Variants in PTGDS observed in about 807,000 individuals in gnomAD.
PTGDS encodes prostaglandin-H2 D-isomerase.
A neutral mutation model predicts 28.4 loss-of-function variants in PTGDS; 21 were observed. That is an observed-to-expected ratio of 0.74 (90% confidence interval 0.52 to 1.07). The LOEUF (loss-of-function observed/expected upper bound fraction) is 1.07. Ranked by LOEUF, PTGDS falls within the 50% of genes least tolerant of loss-of-function variation. The pLI is 0.00. For synonymous variants in PTGDS, 102 were observed against 106.0 expected, an observed-to-expected ratio of 0.96 and a Z score of 0.23; for missense variants, 243 against 247.7, an observed-to-expected ratio of 0.98 and a Z score of 0.13.
rs35868383 is a variant in PTGDS at position 136,977,923 on chromosome 9, C to G, written c.114+231C>G. ...GTCCCGTCTCCCCTGATGGGCCACG[C>G]AGACACCGGGCCACACACGCGCCCA... On this transcript the variant is annotated intron_variant, in intron 1 of 6. Coordinates refer to ENST00000371625, the MANE Select transcript of PTGDS (RefSeq NM_000954.6). Among the ~76,000 whole-genome samples, 1,076 of 152,278 alleles carry G rather than the reference C, an allele frequency of 7.1e-3. 16 individuals carry two copies. Among genetic ancestry groups the G allele is most frequent in the African/African-American group, 0.024 (1,015 of 41,558 alleles).
rs758904136 is a variant in PTGDS at position 136,980,143 on chromosome 9, C to T, written c.449-40C>T. 4 of 1,600,988 alleles carry T rather than the reference C, an allele frequency of 2.5e-6. No individual in the cohort carries two copies. In the African/African-American group the frequency reaches 4.0e-5, roughly 16 times the overall value. On this transcript the variant is annotated intron_variant, in intron 4 of 6. Transcript: ENST00000371625. The stretch of plus-strand genomic sequence containing the variant: ...AGACCCAGGGCAGGGCACACAGCAT[C>T]CCCCCCGCTGAGGCCAGCTCCGTCT...
Position 136,979,380 on chromosome 9 carries a change from G to T in PTGDS, c.331+81G>T, listed in dbSNP as rs761444400. ...GACGACTCTGGGCCAGCCCCCTGCCGCGGAGATCCATGGGGTGGGAGGTGA... is the reference window on the plus strand; with the variant it reads ...GACGACTCTGGGCCAGCCCCCTGCCTCGGAGATCCATGGGGTGGGAGGTGA... On this transcript the variant is annotated intron_variant, in intron 3 of 6. Coordinates refer to ENST00000371625, the MANE Select transcript of PTGDS (RefSeq NM_000954.6). 7.6e-6 allele frequency: 12 copies of T among 1,578,658 alleles called. No homozygotes were observed. The South Asian group carries it at 8.2e-5, about 11-fold the overall frequency.
In PTGDS at chr9:136,978,603, G is replaced by A. The variant is rs78152362; in HGVS notation, c.115-390G>A. On this transcript the variant is annotated intron_variant, in intron 1 of 6. Coordinates refer to ENST00000371625, the MANE Select transcript of PTGDS (RefSeq NM_000954.6). ...CGTGAGGGGCGGGGTCAGCTCCTAG[G>A]GGGGCATGGGGCGTGAGGGGCGCGG... Among the ~76,000 whole-genome samples, 11 of 129,726 alleles carry A rather than the reference G, an allele frequency of 8.5e-5. No individual in the cohort carries two copies. In the East Asian group the frequency reaches 1.6e-3, roughly 18 times the overall value. The allele number at this position is 129,726 out of a possible 152,430, so 85.1% of individuals were successfully genotyped here.
rs764588779 is a variant in PTGDS at position 136,978,929 on chromosome 9, C to T, written c.115-64C>T. ...GAGGAGTAGACGGCAGAGGCGCCCC[C>T]GCAGGTAGGCGCAGGTGGGTCCGGA... On this transcript the variant is annotated intron_variant, in intron 1 of 6. Coordinates refer to ENST00000371625, the MANE Select transcript of PTGDS (RefSeq NM_000954.6). 6 of 1,581,468 alleles carry T rather than the reference C, an allele frequency of 3.8e-6. No individual in the cohort carries two copies. In the East Asian group the frequency reaches 1.1e-4, roughly 30 times the overall value.
At chr9:136,981,057 C>T in intron 6 of PTGDS, 1 of 731,506 alleles carries the variant, frequency 1.4e-6, no homozygotes, top group South Asian at 2.0e-5. Context: ...GTGTGAGGCT[C>T]AGAAGGAAAA....
chr9:136,979,826 G>A, intron 3 of PTGDS, 120 bp from the exon 4 acceptor site: 1 of 939,204 alleles, frequency 1.1e-6, no homozygotes. Context: ...GGGTGGGGGA[G>A]CATCCCGGGC....
intron 1 of PTGDS, among the ~76,000 whole-genome samples, chr9:136,978,345 G>A (rs1475818146): frequency 1.3e-5 from 2 of 151,710 alleles, no homozygotes; most frequent in Non-Finnish European, 2.9e-5. Context: ...GAAGCTGGCT[G>A]GTGGGCGGCG....
In PTGDS at chr9:136,979,297, C is replaced by T. The variant is rs1316002894; in HGVS notation, c.329C>T (p.Pro110Leu). ...GSLGSYSYRSPHWGSTYSVSV... is the reference protein window; with the variant it reads ...GSLGSYSYRSLHWGSTYSVSV... ...CTCGGCTCCTACAGCTACCGGAGTC[C>T]CCGTGAGTGGGGCCTCCACCGGCCC... The change falls in exon 3 of 7, where the codon CCC becomes CTC. Residue 110 changes from proline (P) to leucine (L), a missense_variant and splice_region_variant. By Grantham distance (98) the Pro-to-Leu change is moderately conservative. Coordinates refer to ENST00000371625, the MANE Select transcript of PTGDS (RefSeq NM_000954.6). The T allele has an allele frequency of 1.2e-6, 2 of 1,609,070 alleles. No individual in the cohort carries two copies. Among genetic ancestry groups the T allele is most frequent in the African/African-American group, 2.7e-5 (2 of 74,946 alleles).
intron 6 of PTGDS, 73 bp downstream of exon 6, chr9:136,980,928 T>A (rs537329821): frequency 6.6e-7 from 1 of 1,509,536 alleles, no homozygotes; most frequent in African/African-American, 1.4e-5. Context: ...CAACCCACTC[T>A]GCGATGGGAT....
intron 3 of PTGDS, chr9:136,979,536 G>T: frequency 7.7e-7 from 1 of 1,303,028 alleles, no homozygotes; most frequent in East Asian, 2.5e-5. Context: ...GTCTTGTCAG[G>T]CCCCTTCCCT....
rs1830448837 is a variant in PTGDS, at chr9:136,981,589, G to A, written c.*11G>A. ...GGTCACACCCCTCAGGACTCCCCAG[G>A]GCTGAAGCTGGGATCCCGGCCAGCC... On this transcript the variant is annotated 3_prime_UTR_variant, in exon 7 of 7. Transcript: ENST00000371625. 2.0e-5 allele frequency: 3 copies of A among 152,360 alleles called. No homozygotes were observed. The South Asian group carries it at 6.2e-4, about 32-fold the overall frequency. The allele number at this position is 152,360 out of a possible 1,614,324, so 9.4% of individuals were successfully genotyped here.
In PTGDS at chr9:136,980,959, C is replaced by A. The variant is rs1026524742; in HGVS notation, c.*104C>A. ...GGGATGGATCAGGGCCCCAGGACAG[C>A]CTGGTGCTGCAGACCCATCCTTCCC... On this transcript the variant is annotated intron_variant, in intron 6 of 6. Transcript: ENST00000371625. The A allele has an allele frequency of 2.1e-6, 3 of 1,443,104 alleles. No homozygotes were observed. The African/African-American group carries it at 4.2e-5, about 20-fold the overall frequency. The allele number at this position is 1,443,104 out of a possible 1,614,324, so 89.4% of individuals were successfully genotyped here.
chr9:136,978,908 A>G (rs775406928), intron 1 of PTGDS, 85 bp from the exon 2 acceptor site: 1 of 1,548,378 alleles, frequency 6.5e-7, no homozygotes, highest in Non-Finnish European at 8.7e-7. Context: ...AGACCGGAGG[A>G]GTAGACGGCA....
At chr9:136,978,923 C>G (rs539531896) in intron 1 of PTGDS, 70 bp from the exon 2 acceptor site, 18 of 1,573,056 alleles carry the variant, frequency 1.1e-5, no homozygotes, top group Admixed American at 3.6e-5. Context: ...ACGGCAGAGG[C>G]GCCCCCGCAG....
chr9:136,979,190 C>T (rs761122849), intron 2 of PTGDS, 33 bp from the exon 3 acceptor site: 2 of 1,613,024 alleles, frequency 1.2e-6, no homozygotes, highest in East Asian at 4.5e-5. Flanking sequence ...ACCCTCGGGC[C>T]TAACCCCTGA....
At chr9:136,980,806 G>A (rs199952147) in intron 5 of PTGDS, 27 bp from the exon 6 acceptor site, 167 of 1,613,966 alleles carry the variant, frequency 1.0e-4, no homozygotes, top group Middle Eastern at 3.3e-4. Context: ...GGGTTCTGAC[G>A]ACAGCCCCTG....
At chr9:136,979,902 T>C (rs1351109576) in intron 3 of PTGDS, 44 bp from the exon 4 acceptor site, 12 of 1,562,540 alleles carry the variant, frequency 7.7e-6, no homozygotes, top group Non-Finnish European at 9.7e-6. Context: ...GAGGTGAGGT[T>C]TGGGGGGCTG....
intron 5 of PTGDS, 114 bp from the exon 6 acceptor site, chr9:136,980,719 G>C (rs145567521): frequency 2.5e-6 from 4 of 1,612,018 alleles, no homozygotes; most frequent in African/African-American, 1.3e-5. Flanking sequence ...GATCTGTGCA[G>C]TTTGGGGGCT....
Position 136,979,941 on chromosome 9 carries a change from C to A in PTGDS, c.332-5C>A. On this transcript the variant is annotated splice_region_variant and splice_polypyrimidine_tract_variant and intron_variant, in intron 3 of 6. Transcript: ENST00000371625. ...CCCCGACAGGGTTGTCTCTTGGGTT[C>A]CCAGACTGGGGCAGCACCTACTCCG... 1 of 1,612,812 alleles carries A rather than the reference C, an allele frequency of 6.2e-7. No individual in the cohort carries two copies. The highest frequency in any genetic ancestry group is 1.1e-5 in the South Asian group (1 of 91,076).
Sources: allele counts gnomAD v4.1 joint callset (sites outside exome capture counted in the v4.1 genomes callset), GRCh38; gene constraint gnomAD v4.1.1; transcripts MANE v1.5; gene names NCBI Gene and HGNC (gene_info 2026-07-23, HGNC 2026-07-21).